HEATR4: variants seen among roughly 807,000 people sequenced by gnomAD.
HEATR4 encodes HEAT repeat containing 4, also known as HEAT repeat-containing protein 4.
A neutral mutation model predicts 108.8 loss-of-function variants in HEATR4; 95 were observed. The observed-to-expected ratio is 0.87, with a 90% CI of 0.74 to 1.04. The LOEUF (loss-of-function observed/expected upper bound fraction) is 1.04, where lower values mean the gene tolerates loss of function less well. Ranked by LOEUF, HEATR4 falls within the 50% of genes least tolerant of loss-of-function variation. The pLI is 0.00. For synonymous variants in HEATR4, 443 were observed against 459.4 expected, an observed-to-expected ratio of 0.96 and a Z score of 0.46; for missense variants, 1,152 against 1,253.8, an observed-to-expected ratio of 0.92 and a Z score of 1.23.
the HEATR4 span, among the ~76,000 whole-genome samples, chr14:73,627,403 C>T: frequency 6.6e-6 from 1 of 152,116 alleles, no homozygotes; most frequent in African/African-American, 2.4e-5. Context: ...CAAGACCAGT[C>T]TCTTCCCACC....
intron 16 of HEATR4, among the ~76,000 whole-genome samples, chr14:73,493,836 TCAAAAACAAAAA>T (rs967499091): frequency 2.6e-5 from 4 of 152,330 alleles, no homozygotes; most frequent in South Asian, 4.2e-4. Flanking sequence ...AGACTCCGTC[TCAAAAACAAAAA>T]CAAAAACAAA....
chr14:73,526,256 C>G (rs182522903), intron 2 of HEATR4, among the ~76,000 whole-genome samples: 204 of 152,278 alleles, frequency 1.3e-3, no homozygotes, highest in Non-Finnish European at 2.2e-3. Flanking sequence ...AGCTCTGGGC[C>G]AGAGGAGAAT....
Position 73,499,115 on chromosome 14 carries a change from A to C in HEATR4, c.2312T>G (p.Met771Arg), listed in dbSNP as rs530901532. ...KMVLECLLNL[M>R]QRDPYWKIKA... Reference sequence around the variant, plus strand: ...GATTTTCCAGTAAGGATCTCTCTGCATCAGGTTCAGGAGGCATTCAAGCAC... The same window carrying C: ...GATTTTCCAGTAAGGATCTCTCTGCCTCAGGTTCAGGAGGCATTCAAGCAC... Residue 771 changes from methionine to arginine, a missense_variant, in exon 13 of 18, where the codon ATG (methionine) becomes AGG (arginine). Coordinates refer to ENST00000553558, the MANE Select transcript of HEATR4 (RefSeq NM_001220484.1). The C allele has an allele frequency of 1.9e-6, 3 of 1,614,114 alleles. No individual in the cohort carries two copies. Among genetic ancestry groups the C allele is most frequent in the Non-Finnish European group, 2.5e-6 (3 of 1,180,042 alleles).
At chr14:73,547,930 G>A (rs1169772833) in intron 1 of HEATR4, among the ~76,000 whole-genome samples, 1 of 114,174 alleles carries the variant, frequency 8.8e-6, no homozygotes, top group African/African-American at 2.8e-5. Context: ...TGGTTGTGGC[G>A]GGTTGTTTTT....
the HEATR4 span, chr14:73,593,877 C>T: frequency 1.5e-5 from 25 of 1,613,432 alleles, no homozygotes; most frequent in Admixed American, 5.0e-5. Flanking sequence ...TCGAAGAAGC[C>T]GTATGCTACA....
intron 1 of HEATR4, among the ~76,000 whole-genome samples, chr14:73,534,807 C>CTT (rs553194860): frequency 6.4e-5 from 6 of 93,872 alleles, no homozygotes; most frequent in African/African-American, 2.1e-4. Flanking sequence ...ATCTTTTCTG[C>CTT]TTTTTTTTTT....
chr14:73,564,055 C>T, the HEATR4 span, among the ~76,000 whole-genome samples: 1 of 151,610 alleles, frequency 6.6e-6, no homozygotes, highest in Non-Finnish European at 1.5e-5. Flanking sequence ...AGTCTCAGCA[C>T]TTTGGGAGGC....
At chr14:73,570,373 T>A in the HEATR4 span, among the ~76,000 whole-genome samples, 2 of 151,508 alleles carry the variant, frequency 1.3e-5, no homozygotes, top group Non-Finnish European at 1.5e-5. Context: ...ATTGAGGCCA[T>A]CCTGACTAAC....
chr14:73,560,696 A>T (rs1889518852), upstream of HEATR4, among the ~76,000 whole-genome samples: 1 of 151,790 alleles, frequency 6.6e-6, no homozygotes, highest in African/African-American at 2.4e-5. Context: ...ATACTAAAAA[A>T]ATTAAACATT....
At chr14:73,487,404 A>G (rs1159173677) in intron 17 of HEATR4, among the ~76,000 whole-genome samples, 1 of 152,146 alleles carries the variant, frequency 6.6e-6, no homozygotes, top group Non-Finnish European at 1.5e-5. Flanking sequence ...CATCTCTACT[A>G]AAAATACAAA....
chr14:73,589,143 G>A, the HEATR4 span, among the ~76,000 whole-genome samples: 1 of 151,442 alleles, frequency 6.6e-6, no homozygotes, highest in African/African-American at 2.4e-5. Flanking sequence ...TACATCTACA[G>A]TTTTGGACAA....
the HEATR4 span, chr14:73,619,260 T>C: frequency 1.9e-6 from 3 of 1,594,136 alleles, no homozygotes; most frequent in South Asian, 1.1e-5. Flanking sequence ...TTGCGCTTCT[T>C]GGATTTTCCA....
intron 10 of HEATR4, 30 bp from the exon 11 acceptor site, chr14:73,503,043 T>C (rs749447091): frequency 8.1e-6 from 12 of 1,486,114 alleles, no homozygotes; most frequent in Non-Finnish European, 1.1e-5. Flanking sequence ...TTAGGTATCA[T>C]CACTTAATGA....
At chr14:73,618,324 G>A in the HEATR4 span, among the ~76,000 whole-genome samples, 1 of 146,578 alleles carries the variant, frequency 6.8e-6, no homozygotes, top group Non-Finnish European at 1.5e-5. Context: ...CGGCACCCCA[G>A]AATTCTCTGC....
At chr14:73,478,932 G>C (rs993265643) in intron 17 of HEATR4, 90 bp from the exon 18 acceptor site, 48 of 952,930 alleles carry the variant, frequency 5.0e-5, no homozygotes, top group Non-Finnish European at 7.1e-5. Flanking sequence ...TGGCTATAGG[G>C]TGTCTCCTTT....
At chr14:73,527,961 C>CAA (rs34109465) in intron 2 of HEATR4, among the ~76,000 whole-genome samples, 114 of 52,516 alleles carry the variant, frequency 2.2e-3, no homozygotes, top group Middle Eastern at 0.013. Context: ...AACTCCATCT[C>CAA]AAAAAAAAAA....
intron 17 of HEATR4, chr14:73,490,888 G>A (rs903712034): frequency 7.2e-6 from 7 of 977,916 alleles, no homozygotes; most frequent in Non-Finnish European, 8.0e-6. Flanking sequence ...GAAGAATGAT[G>A]GGCGTGGCCA....
intron 5 of HEATR4, 119 bp downstream of exon 5, chr14:73,518,904 A>G: frequency 1.1e-6 from 1 of 935,710 alleles, no homozygotes; most frequent in Non-Finnish European, 1.6e-6. Context: ...GATTGCCTAG[A>G]TGCTAATGGT....
chr14:73,492,310 C>T lies in HEATR4; in HGVS notation c.2844+756G>A. On this transcript the variant is annotated intron_variant, in intron 17 of 17. Coordinates refer to ENST00000553558, the MANE Select transcript of HEATR4 (RefSeq NM_001220484.1). The surrounding 1 kb of genome is among the most constrained non-coding windows in gnomAD (Gnocchi z 4.9). ...ACCAGCGCAATACCTGGGGTGACTT[C>T]TTAGAGGCCATACTGCCTCTGGCAG... 1 of 1,614,076 alleles carries T rather than the reference C, an allele frequency of 6.2e-7. No individual in the cohort carries two copies. The highest frequency in any genetic ancestry group is 8.5e-7 in the Non-Finnish European group (1 of 1,179,904).
Sources: gnomAD v4.1 joint callset for allele counts (sites outside exome capture counted in the v4.1 genomes callset) on GRCh38, gnomAD v4.1.1 for gene constraint, Gnocchi (gnomAD v3.1) non-coding constraint, MANE v1.5 for transcripts, NCBI Gene and HGNC (gene_info 2026-07-23, HGNC 2026-07-21) for gene names.